The following ZKSCAN8 variants were observed in gnomAD, a reference collection of about 807,000 sequenced individuals.
ZKSCAN8 encodes zinc finger protein with KRAB and SCAN domains 8.
A neutral mutation model predicts 57.2 loss-of-function variants in ZKSCAN8; 27 were observed. That is an observed-to-expected ratio of 0.47 (90% CI 0.35 to 0.65). ZKSCAN8 has a LOEUF of 0.65. Ranked by LOEUF, ZKSCAN8 falls within the 30% of genes least tolerant of loss-of-function variation. The pLI is 0.01. For missense variants in ZKSCAN8, 597 were observed against 696.3 expected (o/e 0.86, Z 1.60); for synonymous variants, 214 against 248.7 (o/e 0.86, Z 1.31).
Position 28,149,545 on chromosome 6 carries a change from A to C in ZKSCAN8, c.480A>C (p.Ala160=), listed in dbSNP as rs748525317. 3 of 1,614,174 alleles carry C rather than the reference A, an allele frequency of 1.9e-6. No homozygotes were observed. In the African/African-American group the frequency reaches 4.0e-5, roughly 22 times the overall value. The change falls in exon 3 of 6, where the codon GCA becomes GCC. Residue 160 remains alanine (A), a synonymous_variant. Coordinates refer to ENST00000330236, the MANE Select transcript of ZKSCAN8 (RefSeq NM_006298.4). ...LWEEVVHSAS[A]PEPPNTQLQS... is the part of the protein sequence containing the mutation. Reference sequence around the variant, plus strand: ...AGGAGGTAGTACATTCAGCATCTGCACCAGAGCCTCCAAATACTCAGCTCC... The same window carrying C: ...AGGAGGTAGTACATTCAGCATCTGCCCCAGAGCCTCCAAATACTCAGCTCC...
At chr6:28,146,203 G>T (rs1314642639) in intron 1 of ZKSCAN8, among the ~76,000 whole-genome samples, 1 of 152,192 alleles carries the variant, frequency 6.6e-6, no homozygotes, top group Non-Finnish European at 1.5e-5. Flanking sequence ...TATGGCTAAT[G>T]TTCTTCGATT....
In ZKSCAN8 at chr6:28,153,058, G is replaced by A. The variant is rs781214853; in HGVS notation, c.778G>A (p.Gly260Ser). 1 of 1,612,812 alleles carries A rather than the reference G, an allele frequency of 6.2e-7. No individual in the cohort carries two copies. The highest frequency in any genetic ancestry group is 1.1e-5 in the South Asian group (1 of 91,020). The change falls in exon 6 of 6, where the codon GGT becomes AGT. Residue 260 changes from glycine (G) to serine (S), a missense_variant and splice_region_variant. Transcript: ENST00000330236. ...TGTTTATTACATTTTTATTTCAGGT[G>A]GTGAGACCAGGAGTGAGAACAGGGA... The part of the protein sequence containing the change: ...ENFRNMFSLG[G>S]ETRSENRELA...
rs1483556621 is a variant in ZKSCAN8, at chr6:28,153,473, G to A, written c.1193G>A (p.Arg398Lys). Residue 398 changes from arginine (R) to lysine (K), a missense_variant, in exon 6 of 6, where the codon AGA (arginine) becomes AAA (lysine). By Grantham distance (26) the Arg-to-Lys change is conservative. Coordinates refer to ENST00000330236, the MANE Select transcript of ZKSCAN8 (RefSeq NM_006298.4). ...SQNTGLILHQ[R>K]IHTGEKPYQC... ...AACACAGGCCTGATTCTGCACCAGA[G>A]AATCCACACTGGGGAGAAGCCATAT... 5 of 1,612,324 alleles carry A rather than the reference G, an allele frequency of 3.1e-6. No homozygotes were observed. The highest frequency in any genetic ancestry group is 1.1e-5 in the South Asian group (1 of 91,044).
Position 28,148,525 on chromosome 6 carries a change from C to T in ZKSCAN8, c.118C>T (p.His40Tyr). 6.2e-7 allele frequency: 1 copy of T among 1,614,186 alleles called. No individual in the cohort carries two copies. The part of the protein sequence containing the change: ...DHGWDQESSL[H>Y]ESNPLGQEVF... ...TGGTTGGGACCAGGAATCTAGTCTGCATGAAAGTAACCCTCTTGGCCAAGA... is the reference window on the plus strand; with the variant it reads ...TGGTTGGGACCAGGAATCTAGTCTGTATGAAAGTAACCCTCTTGGCCAAGA... Residue 40 changes from histidine (H) to tyrosine (Y), a missense_variant, in exon 2 of 6, where the codon CAT becomes TAT. By Grantham distance (83) the His-to-Tyr change is moderately conservative. Transcript: ENST00000330236.
At chr6:28,150,990 G>A (rs1301414200) in intron 3 of ZKSCAN8, among the ~76,000 whole-genome samples, 2 of 152,012 alleles carry the variant, frequency 1.3e-5, no homozygotes. Context: ...TATTTTTGTA[G>A]AGACGAGGTT....
chr6:28,158,111 C>CT lies in ZKSCAN8; in HGVS notation c.*4101dup, dbSNP rs1198393869. ...CTCACCAGTGGACAAATAATAAGGC[C>CT]TTTTTTTATTATTATTTCTTGTCTT... On this transcript the variant is annotated 3_prime_UTR_variant, in exon 6 of 6. Transcript: ENST00000330236. 2 of 151,974 alleles carry CT rather than the reference C, an allele frequency of 1.3e-5. No individual in the cohort carries two copies. The highest frequency in any genetic ancestry group is 6.6e-5 in the Admixed American group (1 of 15,236). The allele number at this position is 151,974 out of a possible 1,614,324, so 9.4% of individuals were successfully genotyped here.
chr6:28,141,775 G>A (rs978355168), upstream of ZKSCAN8: 2 of 152,520 alleles, frequency 1.3e-5, no homozygotes, highest in Non-Finnish European at 2.9e-5. Context: ...CAGGTGAGGG[G>A]CGTGGTACTC....
Position 28,144,309 on chromosome 6 carries a change from A to G in ZKSCAN8, c.-93+2280A>G, listed in dbSNP as rs986229836. 8 of 152,222 alleles carry G rather than the reference A, an allele frequency of 5.3e-5. No homozygotes were observed. The highest frequency in any genetic ancestry group is 1.2e-4 in the Non-Finnish European group (8 of 68,070). The allele number at this position is 152,222 out of a possible 1,614,324, so 9.4% of individuals were successfully genotyped here. Reference sequence around the variant, plus strand: ...TGTATCTGTGGACATTTTGCTGGAAAGAAGTTCTGTGTTTTCTTTAGGTTG... The same window carrying G: ...TGTATCTGTGGACATTTTGCTGGAAGGAAGTTCTGTGTTTTCTTTAGGTTG... On this transcript the variant is annotated intron_variant, in intron 1 of 5. Coordinates refer to ENST00000330236, the MANE Select transcript of ZKSCAN8 (RefSeq NM_006298.4). The surrounding 1 kb of genome is among the most constrained non-coding windows in gnomAD (Gnocchi z 4.5).
chr6:28,146,418 G>A (rs140877521), intron 1 of ZKSCAN8, among the ~76,000 whole-genome samples: 66 of 152,342 alleles, frequency 4.3e-4, no homozygotes, highest in African/African-American at 1.6e-3. Context: ...AAAGGCAACA[G>A]TATTTTATCT....
At chr6:28,147,079 G>A (rs1765423536) in intron 1 of ZKSCAN8, among the ~76,000 whole-genome samples, 1 of 151,794 alleles carries the variant, frequency 6.6e-6, no homozygotes, top group African/African-American at 2.4e-5. Flanking sequence ...TTCTTCAAAA[G>A]GCCCTATGAA....
In ZKSCAN8 at chr6:28,158,354, G is replaced by A. The variant is rs1765854155; in HGVS notation, c.*4337G>A. 1 of 151,490 alleles carries A rather than the reference G, an allele frequency of 6.6e-6. No homozygotes were observed. The highest frequency in any genetic ancestry group is 1.5e-5 in the Non-Finnish European group (1 of 67,906). 9.4% of individuals were successfully genotyped at this position (151,490 alleles called of 1,614,324 possible). On this transcript the variant is annotated 3_prime_UTR_variant, in exon 6 of 6. Coordinates refer to ENST00000330236, the MANE Select transcript of ZKSCAN8 (RefSeq NM_006298.4). ...TTGTTTATACCTACTATTTGTATTC[G>A]AATGACTTCATTTTTCCCACCCTGT...
intron 3 of ZKSCAN8, among the ~76,000 whole-genome samples, chr6:28,150,821 C>A (rs1765566779): frequency 6.6e-6 from 1 of 151,770 alleles, no homozygotes; most frequent in Admixed American, 6.6e-5. Context: ...TTTGTTTTGT[C>A]TTTGAGACAG....
rs777155921 is a variant in ZKSCAN8, at chr6:28,153,365, G to C, written c.1085G>C (p.Arg362Thr). 1.9e-6 allele frequency: 3 copies of C among 1,613,524 alleles called. No homozygotes were observed. The highest frequency in any genetic ancestry group is 2.5e-6 in the Non-Finnish European group (3 of 1,179,890). ...GTGTGTGGTAAAGCCTTCAGTTACA[G>C]GTCAGCCCTTCTTTCACATCAGGAT... ...CNVCGKAFSY[R>T]SALLSHQDIH... is the part of the protein sequence containing the mutation. The change falls in exon 6 of 6, where the codon AGG becomes ACG. Residue 362 changes from arginine to threonine, a missense_variant. Transcript: ENST00000330236.
At position 28,154,174 on chromosome 6, in the gene ZKSCAN8, G is replaced by T; in HGVS notation, c.*157G>T. 9.1e-7 allele frequency: 1 copy of T among 1,103,922 alleles called. No homozygotes were observed. 68.4% of individuals were successfully genotyped at this position (1,103,922 alleles called of 1,614,324 possible). On this transcript the variant is annotated 3_prime_UTR_variant, in exon 6 of 6. Transcript: ENST00000330236. ...GTTAGGATAGCTCTTTAGTAATTTGGGCCCAGTGCCTTGGTGAAGGTTGAT... is the reference window on the plus strand; with the variant it reads ...GTTAGGATAGCTCTTTAGTAATTTGTGCCCAGTGCCTTGGTGAAGGTTGAT...
chr6:28,153,338 A>T lies in ZKSCAN8; in HGVS notation c.1058A>T (p.Asn353Ile). ...IHTGEKPYQC[N>I]VCGKAFSYRS... Reference sequence around the variant, plus strand: ...ACTGGGGAGAAACCCTATCAGTGTAATGTGTGTGGTAAAGCCTTCAGTTAC... The same window carrying T: ...ACTGGGGAGAAACCCTATCAGTGTATTGTGTGTGGTAAAGCCTTCAGTTAC... Residue 353 changes from asparagine (N) to isoleucine (I), a missense_variant, in exon 6 of 6, where the codon AAT becomes ATT. Coordinates refer to ENST00000330236, the MANE Select transcript of ZKSCAN8 (RefSeq NM_006298.4). The T allele has an allele frequency of 6.2e-7, 1 of 1,614,146 alleles. No homozygotes were observed. The highest frequency in any genetic ancestry group is 2.2e-5 in the East Asian group (1 of 44,880).
In ZKSCAN8 at chr6:28,159,181, T is replaced by G. The variant is rs1765879324; in HGVS notation, c.*5164T>G. ...TTATATCTTCTGACTGAGCTCTCCCTGATTGACATCACCTCATGCGATGAC... is the reference window on the plus strand; with the variant it reads ...TTATATCTTCTGACTGAGCTCTCCCGGATTGACATCACCTCATGCGATGAC... On this transcript the variant is annotated 3_prime_UTR_variant, in exon 6 of 6. Coordinates refer to ENST00000330236, the MANE Select transcript of ZKSCAN8 (RefSeq NM_006298.4). 1 of 152,244 alleles carries G rather than the reference T, an allele frequency of 6.6e-6. No homozygotes were observed. The highest frequency in any genetic ancestry group is 1.5e-5 in the Non-Finnish European group (1 of 68,052). The allele number at this position is 152,244 out of a possible 1,614,324, so 9.4% of individuals were successfully genotyped here. A position where few individuals can be genotyped will look rare whatever the true frequency, so the allele number is the denominator to read the frequency against.
At position 28,151,850 on chromosome 6, in the gene ZKSCAN8, T is replaced by C. The variant is rs778349867; in HGVS notation, c.565T>C (p.Ser189Pro). 6.2e-7 allele frequency: 1 copy of C among 1,614,078 alleles called. No individual in the cohort carries two copies. Among genetic ancestry groups the C allele is most frequent in the Non-Finnish European group, 8.5e-7 (1 of 1,179,922 alleles). ...VPQESQERAM[S>P]TSQSPTRSQK... ...TAGCTCCTTTCTCCTCTCAGCCATG[T>C]CTACTTCCCAGAGTCCTACTCGTTC... The change falls in exon 4 of 6, where the codon TCT becomes CCT. Residue 189 changes from serine (S) to proline (P), a missense_variant. Physicochemically the swap from Ser to Pro is moderately conservative, Grantham distance 74 (BLOSUM62 -1). Coordinates refer to ENST00000330236, the MANE Select transcript of ZKSCAN8 (RefSeq NM_006298.4).
chr6:28,157,696 G>A lies in ZKSCAN8; in HGVS notation c.*3679G>A, dbSNP rs1179578110. ...GGGGTTACAATTATATCATTTTTAA[G>A]TGTTGATGCTTTGTAGTACTACAAA... On this transcript the variant is annotated 3_prime_UTR_variant, in exon 6 of 6. Transcript: ENST00000330236. The A allele has an allele frequency of 6.6e-6, 1 of 152,188 alleles. No individual in the cohort carries two copies. Among genetic ancestry groups the A allele is most frequent in the African/African-American group, 2.4e-5 (1 of 41,448 alleles). 9.4% of individuals were successfully genotyped at this position (152,188 alleles called of 1,614,324 possible). A position where few individuals can be genotyped will look rare whatever the true frequency, so the allele number is the denominator to read the frequency against.
Position 28,159,039 on chromosome 6 carries a change from C to T in ZKSCAN8, c.*5022C>T, listed in dbSNP as rs1258248721. ...TCAACAGATTCAAACTTCCTACAGC[C>T]TTCTACTGATGTCTTACAAGCTCTT... is the stretch of plus-strand genomic sequence containing the variant. On this transcript the variant is annotated 3_prime_UTR_variant, in exon 6 of 6. Transcript: ENST00000330236. The T allele has an allele frequency of 6.6e-6, 1 of 152,216 alleles. No homozygotes were observed. 9.4% of individuals were successfully genotyped at this position (152,216 alleles called of 1,614,324 possible).
Sources: allele counts gnomAD v4.1 joint callset (sites outside exome capture counted in the v4.1 genomes callset), GRCh38; gene constraint gnomAD v4.1.1; non-coding constraint Gnocchi (gnomAD v3.1); transcripts MANE v1.5; gene names NCBI Gene and HGNC (gene_info 2026-07-23, HGNC 2026-07-21).